WWOX: variants seen among roughly 807,000 people sequenced by gnomAD.
WWOX encodes the protein WW domain-containing oxidoreductase.
WWOX carries 69 observed loss-of-function variants against 46.2 expected under a neutral mutation model. That is an observed-to-expected ratio of 1.49 (90% CI 1.23 to 1.82). WWOX has a LOEUF of 1.82. Among genes scored for constraint, WWOX ranks in the 40% most tolerant of loss-of-function variants. The pLI is 0.00. For missense variants in WWOX, 919 were observed against 542.6 expected, an observed-to-expected ratio of 1.69 and a Z score of -6.89; for synonymous variants, 359 against 202.6, an observed-to-expected ratio of 1.77 and a Z score of -6.56.
chr16:78,843,260 C>A (rs903652339), intron 8 of WWOX, among the ~76,000 whole-genome samples: 1 of 150,080 alleles, frequency 6.7e-6, no homozygotes. Context: ...TGAGCTTGTA[C>A]CTCTAAAGAA....
chr16:78,221,714 C>T (rs144111307), intron 5 of WWOX, among the ~76,000 whole-genome samples: 196 of 152,274 alleles, frequency 1.3e-3, no homozygotes, highest in Non-Finnish European at 2.5e-3. Flanking sequence ...AGATGTAATA[C>T]ACAGATTGCC....
intron 8 of WWOX, among the ~76,000 whole-genome samples, chr16:79,051,429 T>C (rs1387023063): frequency 6.6e-6 from 1 of 152,228 alleles, no homozygotes; most frequent in African/African-American, 2.4e-5. Context: ...CCTTCCATTC[T>C]GTGGCTTCAC....
intron 8 of WWOX, among the ~76,000 whole-genome samples, chr16:78,995,787 A>C (rs2046977731): frequency 6.6e-6 from 1 of 152,170 alleles, no homozygotes; most frequent in South Asian, 2.1e-4. Context: ...TTTTATATGC[A>C]AATTGAAAGG....
intron 8 of WWOX, among the ~76,000 whole-genome samples, chr16:78,733,502 C>G (rs1381401413): frequency 6.6e-6 from 1 of 151,206 alleles, no homozygotes; most frequent in East Asian, 2.0e-4. Context: ...AATCCCAGCA[C>G]TCTGGGAGGA....
At chr16:78,546,333 A>G (rs1323234927) in intron 8 of WWOX, among the ~76,000 whole-genome samples, 3 of 152,274 alleles carry the variant, frequency 2.0e-5, no homozygotes, top group African/African-American at 4.8e-5. Flanking sequence ...TAGAGAAAAC[A>G]GTAGTGTGAT....
At chr16:78,804,776 G>A (rs2050985643) in intron 8 of WWOX, among the ~76,000 whole-genome samples, 2 of 152,130 alleles carry the variant, frequency 1.3e-5, no homozygotes, top group African/African-American at 4.8e-5. Context: ...TAGTTCAGGT[G>A]TGCAGAGAAA....
At chr16:78,931,038 C>T (rs145365316) in intron 8 of WWOX, among the ~76,000 whole-genome samples, 4 of 152,272 alleles carry the variant, frequency 2.6e-5, no homozygotes, top group Non-Finnish European at 5.9e-5. Flanking sequence ...ATGTGAGTAT[C>T]ACATGAGAAA....
At chr16:78,385,134 A>AACACACACACACACACAC (rs61262578) in intron 5 of WWOX, among the ~76,000 whole-genome samples, 1,665 of 143,086 alleles carry the variant, frequency 0.012, 34 homozygotes, top group African/African-American at 0.029. Context: ...ACTCCATCTA[A>AACACACACACACACACAC]ACACACACAC....
intron 8 of WWOX, among the ~76,000 whole-genome samples, chr16:79,026,614 C>CTTT (rs748965500): frequency 0.028 from 2,805 of 101,036 alleles, 201 homozygotes; most frequent in South Asian, 0.093. Context: ...GTGGTAGACT[C>CTTT]TTTTTTTTTT....
chr16:78,799,658 A>G (rs563907372), intron 8 of WWOX, among the ~76,000 whole-genome samples: 262 of 152,206 alleles, frequency 1.7e-3, no homozygotes, highest in Middle Eastern at 3.4e-3. Context: ...GTTCTGTGGC[A>G]CTTTGCATAC....
intron 8 of WWOX, among the ~76,000 whole-genome samples, chr16:78,787,037 A>G (rs1251595175): frequency 6.6e-6 from 1 of 152,168 alleles, no homozygotes; most frequent in Non-Finnish European, 1.5e-5. Context: ...AATCCCAGGT[A>G]TTCAGGAGGC....
At chr16:78,154,264 A>T (rs972344469) in intron 4 of WWOX, among the ~76,000 whole-genome samples, 8 of 152,178 alleles carry the variant, frequency 5.3e-5, no homozygotes, top group Non-Finnish European at 5.9e-5. Flanking sequence ...GGCTGGTCAC[A>T]AGGCCACAGT....
Position 79,003,315 on chromosome 16 carries a change from G to A in WWOX, c.1057-208293G>A, listed in dbSNP as rs151231246. Among the ~76,000 whole-genome samples, 77 of 149,654 alleles carry A rather than the reference G, an allele frequency of 5.1e-4. No individual in the cohort carries two copies. The East Asian group carries it at 8.3e-3, about 16-fold the overall frequency. The stretch of plus-strand genomic sequence containing the variant: ...TATTGTCACAAGGAATGGGAGGAAC[G>A]GGGACGTGATCTAACATTTGCTGAG... On this transcript the variant is annotated intron_variant, in intron 8 of 8. Transcript: ENST00000566780.
At chr16:78,162,305 A>G (rs2034820615) in intron 4 of WWOX, among the ~76,000 whole-genome samples, 1 of 152,090 alleles carries the variant, frequency 6.6e-6, no homozygotes, top group African/African-American at 2.4e-5. Flanking sequence ...TCAGTCTTGT[A>G]GCTACTGGTC....
At chr16:79,208,245 G>C (rs148252907) in intron 8 of WWOX, among the ~76,000 whole-genome samples, 1 of 152,182 alleles carries the variant, frequency 6.6e-6, no homozygotes, top group East Asian at 1.9e-4. Context: ...AGATTCTTCT[G>C]GGCTTCCCAG....
intron 8 of WWOX, among the ~76,000 whole-genome samples, chr16:78,784,878 G>A (rs1488103320): frequency 2.0e-5 from 3 of 152,126 alleles, no homozygotes; most frequent in Non-Finnish European, 2.9e-5. Context: ...GGTGTCCAGC[G>A]AATGCCTCTT....
intron 6 of WWOX, among the ~76,000 whole-genome samples, chr16:78,412,627 G>C (rs568657128): frequency 6.6e-5 from 10 of 152,300 alleles, no homozygotes; most frequent in African/African-American, 2.2e-4. Context: ...GCCAAGACAG[G>C]AAAGTGAGCC....
intron 8 of WWOX, among the ~76,000 whole-genome samples, chr16:78,759,135 C>T (rs2049729264): frequency 6.6e-6 from 1 of 151,986 alleles, no homozygotes; most frequent in African/African-American, 2.4e-5. Context: ...CTGATCTGTG[C>T]AATTTTTTCA....
intron 5 of WWOX, among the ~76,000 whole-genome samples, chr16:78,243,749 G>T (rs1463364387): frequency 6.6e-6 from 1 of 152,148 alleles, no homozygotes; most frequent in East Asian, 1.9e-4. Flanking sequence ...GTTTCTCCAT[G>T]TTGGCCAGGC....
Sources: allele counts gnomAD v4.1 joint callset (sites outside exome capture counted in the v4.1 genomes callset), GRCh38; gene constraint gnomAD v4.1.1; transcripts MANE v1.5; gene names NCBI Gene and HGNC (gene_info 2026-07-23, HGNC 2026-07-21).